Variants in PCDHGB1 observed in about 807,000 individuals in gnomAD.
PCDHGB1 encodes the protein protocadherin gamma-B1.
A neutral mutation model predicts 56.6 loss-of-function variants in PCDHGB1; 34 were observed. The ratio of observed to expected loss-of-function variants is 0.60; its 90% confidence interval spans 0.46 to 0.80. The LOEUF is 0.80. Ranked by LOEUF, PCDHGB1 falls within the 30% of genes least tolerant of loss-of-function variation. The probability of loss-of-function intolerance (pLI) is 0.00; values close to 1 mark genes in which losing one functional copy is unlikely to be tolerated. For synonymous variants in PCDHGB1, 561 were observed against 505.9 expected (o/e 1.11, Z -1.46); for missense variants, 1,278 against 1,204.6 (o/e 1.06, Z -0.90).
In PCDHGB1 at chr5:141,491,552, G is replaced by A. The variant is rs769927075; in HGVS notation, c.2410-3255G>A. 1 of 1,614,008 alleles carries A rather than the reference G, an allele frequency of 6.2e-7. No individual in the cohort carries two copies. The highest frequency in any genetic ancestry group is 1.7e-5 in the Admixed American group (1 of 60,024). On this transcript the variant is annotated intron_variant, in intron 1 of 3. Coordinates refer to ENST00000523390, the MANE Select transcript of PCDHGB1 (RefSeq NM_018922.3). This position sits in a 1 kb window ranked among gnomAD's most constrained non-coding sequence, Gnocchi z 6.9. Reference sequence around the variant, plus strand: ...ACGCTGCGGCCCACAGACTCGCAGAGCCACTGCTACAGGACGTGCTTTTCA... The same window carrying A: ...ACGCTGCGGCCCACAGACTCGCAGAACCACTGCTACAGGACGTGCTTTTCA...
At position 141,443,088 on chromosome 5, in the gene PCDHGB1, T is replaced by C. The variant is rs188899890; in HGVS notation, c.2410-51719T>C. On this transcript the variant is annotated intron_variant, in intron 1 of 3. Transcript: ENST00000523390. ...CGTCTTATGACTGAGTGTTCCAGTC[T>C]CCTTCTCAAGCTGAACCTTGCTTTT... is the stretch of plus-strand genomic sequence containing the variant. 2.9e-3 allele frequency among the ~76,000 whole-genome samples: 446 copies of C among 152,092 alleles called. 1 individual carries two copies. Among genetic ancestry groups the C allele is most frequent in the Middle Eastern group, 0.014 (4 of 294 alleles).
intron 1 of PCDHGB1, chr5:141,361,514 A>T (rs765118611): frequency 6.8e-6 from 11 of 1,614,028 alleles, no homozygotes; most frequent in Non-Finnish European, 9.3e-6. Context: ...TACATGGTTC[A>T]CGTGGCAGAG....
chr5:141,494,752 T>C (rs889400984), intron 1 of PCDHGB1, 55 bp from the exon 2 acceptor site: 18 of 1,612,206 alleles, frequency 1.1e-5, no homozygotes, highest in Non-Finnish European at 1.5e-5. Context: ...GGGGCTCGGG[T>C]GACATTCTAA....
At chr5:141,352,775 AG>A in intron 1 of PCDHGB1, 106 bp downstream of exon 1, 2 of 1,188,828 alleles carry the variant, frequency 1.7e-6, no homozygotes, top group Non-Finnish European at 2.3e-6. Flanking sequence ...GGATCACTTG[AG>A]GTCAGGAGTT....
At position 141,486,646 on chromosome 5, in the gene PCDHGB1, C is replaced by T; in HGVS notation, c.2410-8161C>T. On this transcript the variant is annotated intron_variant, in intron 1 of 3. Transcript: ENST00000523390. The surrounding 1 kb of genome is among the most constrained non-coding windows in gnomAD (Gnocchi z 5.0). ...ACTCTGGCTTGAATGCGCTTATCTC[C>T]TACTCACTCCTGGAGCCCAGGAATC... is the stretch of plus-strand genomic sequence containing the variant. 4.3e-6 allele frequency: 7 copies of T among 1,613,916 alleles called. No individual in the cohort carries two copies. Among genetic ancestry groups the T allele is most frequent in the African/African-American group, 1.3e-5 (1 of 75,058 alleles).
At chr5:141,473,205 A>G (rs370808895) in intron 1 of PCDHGB1, among the ~76,000 whole-genome samples, 1 of 152,036 alleles carries the variant, frequency 6.6e-6, no homozygotes, top group African/African-American at 2.4e-5. Flanking sequence ...CTTCTAAAAA[A>G]TGCTTACTTC....
intron 1 of PCDHGB1, chr5:141,360,960 A>C (rs1312834351): frequency 7.4e-6 from 12 of 1,613,840 alleles, no homozygotes; most frequent in Non-Finnish European, 1.0e-5. Flanking sequence ...GCATAAACGC[A>C]GAGATCACCT....
chr5:141,382,126 C>G (rs1360934225), intron 1 of PCDHGB1, among the ~76,000 whole-genome samples: 1 of 151,958 alleles, frequency 6.6e-6, no homozygotes, highest in African/African-American at 2.4e-5. Context: ...CAGCACCTGG[C>G]CCCCCCTCTC....
chr5:141,432,539 G>A lies in PCDHGB1; in HGVS notation c.2410-62268G>A. 2.5e-6 allele frequency: 4 copies of A among 1,614,038 alleles called. No individual in the cohort carries two copies. Among genetic ancestry groups the A allele is most frequent in the Non-Finnish European group, 3.4e-6 (4 of 1,180,022 alleles). ...CTACCTGGTGACCAAGGTGGTGGCG[G>A]TGGACAGAGACTCCGGCCAGAACGC... On this transcript the variant is annotated intron_variant, in intron 1 of 3. Transcript: ENST00000523390. The surrounding 1 kb of genome is among the most constrained non-coding windows in gnomAD (Gnocchi z 6.0).
At chr5:141,509,032 A>G (rs2099873869) in intron 3 of PCDHGB1, among the ~76,000 whole-genome samples, 1 of 151,488 alleles carries the variant, frequency 6.6e-6, no homozygotes, top group African/African-American at 2.4e-5. Flanking sequence ...CTCCCACTCA[A>G]CCCCTCTCCC....
At position 141,455,318 on chromosome 5, in the gene PCDHGB1, G is replaced by A. The variant is rs534507768; in HGVS notation, c.2410-39489G>A. On this transcript the variant is annotated intron_variant, in intron 1 of 3. Transcript: ENST00000523390. ...TTTCATCTTGCATTAGCAATTTTGT[G>A]TGTGTGTTTGTGGTTTTAAGGAGCG... is the stretch of plus-strand genomic sequence containing the variant. Among the ~76,000 whole-genome samples the A allele has an allele frequency of 2.4e-4, 37 of 152,186 alleles. No individual in the cohort carries two copies. The South Asian group carries it at 5.6e-3, about 23-fold the overall frequency.
chr5:141,510,194 G>A (rs920127442), intron 3 of PCDHGB1, among the ~76,000 whole-genome samples: 1 of 151,462 alleles, frequency 6.6e-6, no homozygotes, highest in Non-Finnish European at 1.5e-5. Context: ...AATCACTTGA[G>A]CCCAGGAGGC....
chr5:141,420,301 CT>C, intron 1 of PCDHGB1: 1 of 1,462,308 alleles, frequency 6.8e-7, no homozygotes, highest in Non-Finnish European at 9.2e-7. Flanking sequence ...GTATTTAATC[CT>C]TTTTATATTA....
At position 141,476,455 on chromosome 5, in the gene PCDHGB1, G is replaced by A. The variant is rs572682842; in HGVS notation, c.2410-18352G>A. The A allele has an allele frequency of 1.2e-6, 2 of 1,614,034 alleles. No individual in the cohort carries two copies. The highest frequency in any genetic ancestry group is 2.2e-5 in the South Asian group (2 of 91,084). ...CTGTAACTCTGGAGTTGGTAGTGGA[G>A]AACCCGCTGGAGCTGTTCAGCGTGG... On this transcript the variant is annotated intron_variant, in intron 1 of 3. Coordinates refer to ENST00000523390, the MANE Select transcript of PCDHGB1 (RefSeq NM_018922.3). This position sits in a 1 kb window ranked among gnomAD's most constrained non-coding sequence, Gnocchi z 7.6.
Position 141,351,972 on chromosome 5 carries a change from T to C in PCDHGB1, c.1712T>C (p.Phe571Ser). 1 of 1,612,468 alleles carries C rather than the reference T, an allele frequency of 6.2e-7. No homozygotes were observed. The highest frequency in any genetic ancestry group is 8.5e-7 in the Non-Finnish European group (1 of 1,179,676). Reference sequence around the variant, plus strand: ...CTGGGGCCTGATGGCTCCGCCCTCTTCGATATGGTGCCACGCGCCGCAGAG... The same window carrying C: ...CTGGGGCCTGATGGCTCCGCCCTCTCCGATATGGTGCCACGCGCCGCAGAG... ...PALGPDGSAL[F>S]DMVPRAAEPG... Residue 571 changes from phenylalanine to serine, a missense_variant, in exon 1 of 4, where the codon TTC becomes TCC. Phe to Ser is a radical substitution (Grantham distance 155). Transcript: ENST00000523390.
intron 1 of PCDHGB1, chr5:141,404,272 G>A (rs2094505108): frequency 6.2e-7 from 1 of 1,613,834 alleles, no homozygotes; most frequent in Non-Finnish European, 8.5e-7. Flanking sequence ...ACATCACCCT[G>A]CAAGTGACTG....
chr5:141,467,203 C>T (rs896621746), intron 1 of PCDHGB1, among the ~76,000 whole-genome samples: 1 of 152,052 alleles, frequency 6.6e-6, no homozygotes, highest in African/African-American at 2.4e-5. Flanking sequence ...CAGGCACATG[C>T]CACCATGCCT....
At chr5:141,362,365 A>G in intron 1 of PCDHGB1, 4 of 1,614,014 alleles carry the variant, frequency 2.5e-6, no homozygotes, top group South Asian at 1.1e-5. Context: ...CCCCAATTAC[A>G]GTGAGGGTAC....
Position 141,420,095 on chromosome 5 carries a change from G to A in PCDHGB1, c.2409+67426G>A, listed in dbSNP as rs1382286285. 2.5e-6 allele frequency: 4 copies of A among 1,613,882 alleles called. No individual in the cohort carries two copies. Among genetic ancestry groups the A allele is most frequent in the Admixed American group, 1.7e-5 (1 of 60,010 alleles). ...TGTGGGTCCCCCCAACTACAGTGAGGGAACGTTGCCCTATGCCTATAATTT... is the reference window on the plus strand; with the variant it reads ...TGTGGGTCCCCCCAACTACAGTGAGAGAACGTTGCCCTATGCCTATAATTT... On this transcript the variant is annotated intron_variant, in intron 1 of 3. Coordinates refer to ENST00000523390, the MANE Select transcript of PCDHGB1 (RefSeq NM_018922.3).
Sources: allele counts gnomAD v4.1 joint callset (sites outside exome capture counted in the v4.1 genomes callset), GRCh38; gene constraint gnomAD v4.1.1; non-coding constraint Gnocchi (gnomAD v3.1); transcripts MANE v1.5; gene names NCBI Gene and HGNC (gene_info 2026-07-23, HGNC 2026-07-21).